The following GRIA1 variants were observed in gnomAD, a reference collection of about 807,000 sequenced individuals.
GRIA1 encodes the protein glutamate ionotropic receptor AMPA type subunit 1.
In GRIA1, 31 loss-of-function variants were observed where a neutral mutation model predicts 99.2. That is an observed-to-expected ratio of 0.31 (90% confidence interval 0.23 to 0.42). The LOEUF (loss-of-function observed/expected upper bound fraction) is 0.42, where lower values mean the gene tolerates loss of function less well. Ranked by LOEUF, GRIA1 falls within the 10% of genes least tolerant of loss-of-function variation. The pLI is 1.00. For synonymous variants in GRIA1, 438 were observed against 432.4 expected (o/e 1.01, Z -0.16); for missense variants, 782 against 1,157.5 (o/e 0.68, Z 4.71).
At chr5:153,534,597 A>G (rs1758391442) in intron 2 of GRIA1, among the ~76,000 whole-genome samples, 1 of 152,194 alleles carries the variant, frequency 6.6e-6, no homozygotes, top group African/African-American at 2.4e-5. Context: ...ATAATAATGT[A>G]TTGGTAGTTG....
intron 2 of GRIA1, among the ~76,000 whole-genome samples, chr5:153,641,484 A>G (rs560079523): frequency 2.0e-5 from 3 of 152,180 alleles, no homozygotes; most frequent in Non-Finnish European, 2.9e-5. Flanking sequence ...TCCTGCTCTC[A>G]CTGGTTCCTG....
intron 15 of GRIA1, among the ~76,000 whole-genome samples, chr5:153,803,649 T>C (rs1581684512): frequency 6.6e-6 from 1 of 152,278 alleles, no homozygotes; most frequent in South Asian, 2.1e-4. Flanking sequence ...CTCTGGGCAA[T>C]GCAGCCATGG....
At chr5:153,628,995 C>T (rs1369749389) in intron 2 of GRIA1, among the ~76,000 whole-genome samples, 2 of 152,114 alleles carry the variant, frequency 1.3e-5, no homozygotes, top group Non-Finnish European at 2.9e-5. Context: ...CAACTGCAGC[C>T]AAATCTTTTG....
intron 7 of GRIA1, among the ~76,000 whole-genome samples, chr5:153,685,268 G>A (rs1297552749): frequency 6.6e-6 from 1 of 152,222 alleles, no homozygotes; most frequent in African/African-American, 2.4e-5. Context: ...GCTAGACTCA[G>A]ACTCAGTTTG....
At position 153,608,165 on chromosome 5, in the gene GRIA1, C is replaced by T. The variant is rs116081105; in HGVS notation, c.221-38763C>T. On this transcript the variant is annotated intron_variant, in intron 2 of 15. Transcript: ENST00000285900. ...GACAGTAATCTGTCTGCCTTTGCCC[C>T]ACTTCCAGGTACAGAGTTACTGTCT... 9.8e-3 allele frequency among the ~76,000 whole-genome samples: 1,489 copies of T among 152,236 alleles called. 22 individuals are homozygous for T. Among genetic ancestry groups the T allele is most frequent in the African/African-American group, 0.034 (1,407 of 41,536 alleles).
chr5:153,545,528 A>G (rs895428797), intron 2 of GRIA1, among the ~76,000 whole-genome samples: 4 of 152,120 alleles, frequency 2.6e-5, no homozygotes, highest in African/African-American at 7.2e-5. Flanking sequence ...ATTTGCAAAG[A>G]ACATACTGGA....
At chr5:153,601,950 C>A (rs1765005712) in intron 2 of GRIA1, among the ~76,000 whole-genome samples, 1 of 152,212 alleles carries the variant, frequency 6.6e-6, no homozygotes, top group Non-Finnish European at 1.5e-5. Flanking sequence ...AAGTTGTTCT[C>A]TCATCCTCAC....
chr5:153,499,187 C>T lies in GRIA1; in HGVS notation c.220+5122C>T, dbSNP rs1754723690. Among the ~76,000 whole-genome samples, 3 of 152,044 alleles carry T rather than the reference C, an allele frequency of 2.0e-5. No homozygotes were observed. The South Asian group carries it at 6.2e-4, about 32-fold the overall frequency. On this transcript the variant is annotated intron_variant, in intron 2 of 15. Coordinates refer to ENST00000285900, the MANE Select transcript of GRIA1 (RefSeq NM_000827.4). ...TAACTGTCTTGAAAGGTGATTATCC[C>T]CATTTCATTGATGATGGTACTGAGA...
rs115849401 is a variant in GRIA1 at position 153,516,696 on chromosome 5, A to T, written c.220+22631A>T. Among the ~76,000 whole-genome samples, 1,492 of 152,100 alleles carry T rather than the reference A, an allele frequency of 9.8e-3. 17 individuals carry two copies. The highest frequency in any genetic ancestry group is 0.034 in the African/African-American group (1,402 of 41,470). On this transcript the variant is annotated intron_variant, in intron 2 of 15. Coordinates refer to ENST00000285900, the MANE Select transcript of GRIA1 (RefSeq NM_000827.4). ...GGAGACAAAAGGCTGCTGCGTCCAG[A>T]TCTCCCTTCACGAGGAAGAAATGTG... is the stretch of plus-strand genomic sequence containing the variant.
chr5:153,545,232 T>A (rs1759496684), intron 2 of GRIA1, among the ~76,000 whole-genome samples: 1 of 152,150 alleles, frequency 6.6e-6, no homozygotes, highest in Non-Finnish European at 1.5e-5. Context: ...CTGAAAAAGT[T>A]GAAAGGTTGC....
intron 11 of GRIA1, among the ~76,000 whole-genome samples, chr5:153,751,917 A>G (rs1762535477): frequency 6.6e-6 from 1 of 152,208 alleles, no homozygotes; most frequent in African/African-American, 2.4e-5. Context: ...AGAAGGCGTG[A>G]ACTGTCCATT....
intron 11 of GRIA1, among the ~76,000 whole-genome samples, chr5:153,757,629 G>A (rs746052616): frequency 6.6e-6 from 1 of 152,166 alleles, no homozygotes; most frequent in Non-Finnish European, 1.5e-5. Flanking sequence ...CCAGGAGGAA[G>A]TACTCTTGGT....
intron 2 of GRIA1, among the ~76,000 whole-genome samples, chr5:153,642,185 C>T (rs1208893715): frequency 6.6e-6 from 1 of 152,190 alleles, no homozygotes; most frequent in East Asian, 1.9e-4. Flanking sequence ...TTTCCAGAAA[C>T]TGAAGCTGAC....
intron 13 of GRIA1, among the ~76,000 whole-genome samples, chr5:153,776,077 A>G (rs983399343): frequency 6.6e-6 from 1 of 152,186 alleles, no homozygotes; most frequent in African/African-American, 2.4e-5. Flanking sequence ...AGGGAGGGAC[A>G]TGATTGGACA....
chr5:153,575,089 C>T (rs774487987), intron 2 of GRIA1, among the ~76,000 whole-genome samples: 3 of 152,094 alleles, frequency 2.0e-5, no homozygotes, highest in Non-Finnish European at 4.4e-5. Context: ...CTGGCAATCT[C>T]AGGCTTCTAA....
chr5:153,491,016 G>A (rs748690192), intron 1 of GRIA1, 46 bp downstream of exon 1: 1 of 1,576,332 alleles, frequency 6.3e-7, no homozygotes, highest in Non-Finnish European at 8.7e-7. Context: ...GGTCTGGCCA[G>A]GGATTTTTTT....
chr5:153,785,585 G>T (rs543054599), intron 13 of GRIA1, among the ~76,000 whole-genome samples: 1 of 152,248 alleles, frequency 6.6e-6, no homozygotes, highest in South Asian at 2.1e-4. Context: ...ACAAAGGTCT[G>T]TCCTTTAAAT....
At chr5:153,808,204 G>T (rs944719350) in intron 15 of GRIA1, among the ~76,000 whole-genome samples, 2 of 152,130 alleles carry the variant, frequency 1.3e-5, no homozygotes, top group African/African-American at 4.8e-5. Context: ...CAATTTTAGG[G>T]TCTGTAAGTT....
chr5:153,572,607 G>A (rs932187955), intron 2 of GRIA1, among the ~76,000 whole-genome samples: 4 of 152,288 alleles, frequency 2.6e-5, no homozygotes, highest in Non-Finnish European at 5.9e-5. Flanking sequence ...GTGTTGACAG[G>A]CATAGTCTCA....
Sources: allele counts gnomAD v4.1 joint callset (sites outside exome capture counted in the v4.1 genomes callset), GRCh38; gene constraint gnomAD v4.1.1; transcripts MANE v1.5; gene names NCBI Gene and HGNC (gene_info 2026-07-23, HGNC 2026-07-21).